Variants in NCOA2 observed in about 807,000 individuals in gnomAD.
The protein encoded by NCOA2 is nuclear receptor coactivator 2.
In NCOA2, 21 loss-of-function variants were observed where a neutral mutation model predicts 145.1. The observed-to-expected ratio is 0.14, with a 90% CI of 0.10 to 0.21. The LOEUF (loss-of-function observed/expected upper bound fraction) is 0.21, where lower values mean the gene tolerates loss of function less well. Ranked by LOEUF, NCOA2 falls within the 10% of genes least tolerant of loss-of-function variation. The probability of loss-of-function intolerance (pLI) is 1.00; values close to 1 mark genes in which losing one functional copy is unlikely to be tolerated. For synonymous variants in NCOA2, 619 were observed against 637.5 expected, an observed-to-expected ratio of 0.97 and a Z score of 0.44; for missense variants, 1,472 against 1,837.6, an observed-to-expected ratio of 0.80 and a Z score of 3.64.
intron 7 of NCOA2, among the ~76,000 whole-genome samples, chr8:70,164,726 A>G (rs1373002505): frequency 6.6e-6 from 1 of 152,054 alleles, no homozygotes; most frequent in African/African-American, 2.4e-5. Context: ...TTCTTCAACA[A>G]GACTGAAATA....
chr8:70,382,345 T>C (rs1812274905), intron 1 of NCOA2, among the ~76,000 whole-genome samples: 1 of 151,998 alleles, frequency 6.6e-6, no homozygotes, highest in Non-Finnish European at 1.5e-5. Context: ...ATAAAGAAAC[T>C]GGCAATAATA....
chr8:70,197,527 G>A (rs1339762279), intron 4 of NCOA2, among the ~76,000 whole-genome samples: 1 of 152,140 alleles, frequency 6.6e-6, no homozygotes, highest in Non-Finnish European at 1.5e-5. Context: ...ACAACGACAG[G>A]GACAGTGCTT....
chr8:70,180,363 A>G (rs934629437), intron 4 of NCOA2, among the ~76,000 whole-genome samples: 5 of 152,052 alleles, frequency 3.3e-5, no homozygotes, highest in Admixed American at 2.6e-4. Flanking sequence ...ATCCCTCACA[A>G]TCTCCTTCTC....
chr8:70,193,206 G>A (rs1028390133), intron 4 of NCOA2, among the ~76,000 whole-genome samples: 5 of 151,804 alleles, frequency 3.3e-5, no homozygotes, highest in Non-Finnish European at 7.4e-5. Context: ...AGAGCTATAT[G>A]CACCACATAG....
upstream of NCOA2, among the ~76,000 whole-genome samples, chr8:70,404,794 AC>A (rs1012402507): frequency 1.4e-4 from 21 of 151,804 alleles, no homozygotes; most frequent in African/African-American, 4.1e-4. Flanking sequence ...AAATGCGAGA[AC>A]CCCCATTTAA....
intron 1 of NCOA2, among the ~76,000 whole-genome samples, chr8:70,368,613 A>G (rs566578162): frequency 1.3e-5 from 2 of 152,362 alleles, no homozygotes; most frequent in Admixed American, 6.5e-5. Context: ...CAGCTTAAGT[A>G]TAGTTTAGAC....
At chr8:70,442,708 A>G in the NCOA2 span, among the ~76,000 whole-genome samples, 1 of 152,210 alleles carries the variant, frequency 6.6e-6, no homozygotes, top group Non-Finnish European at 1.5e-5. Context: ...TTACCTTTCA[A>G]TAGAATGTTG....
intron 1 of NCOA2, among the ~76,000 whole-genome samples, chr8:70,307,235 AAAAAAAT>A: frequency 6.6e-6 from 1 of 151,750 alleles, no homozygotes; most frequent in Admixed American, 6.6e-5. Context: ...AAAAAAAAAA[AAAAAAAT>A]AGAAGAAATA....
intron 1 of NCOA2, among the ~76,000 whole-genome samples, chr8:70,305,347 G>A (rs1408198758): frequency 6.6e-6 from 1 of 152,036 alleles, no homozygotes; most frequent in Non-Finnish European, 1.5e-5. Context: ...CTCCTACAGA[G>A]AGGTCAAATC....
At chr8:70,427,223 T>C in the NCOA2 span, among the ~76,000 whole-genome samples, 1 of 152,352 alleles carries the variant, frequency 6.6e-6, no homozygotes, top group Non-Finnish European at 1.5e-5. Context: ...AGTAATAATT[T>C]GGTTTTCAGG....
At chr8:70,181,392 T>G (rs565962917) in intron 4 of NCOA2, among the ~76,000 whole-genome samples, 7 of 152,350 alleles carry the variant, frequency 4.6e-5, no homozygotes, top group Non-Finnish European at 1.0e-4. Context: ...GAAATTAGTC[T>G]ATCTTCAAAA....
At chr8:70,132,381 G>T (rs1029003671) in intron 15 of NCOA2, among the ~76,000 whole-genome samples, 1 of 152,162 alleles carries the variant, frequency 6.6e-6, no homozygotes, top group Non-Finnish European at 1.5e-5. Flanking sequence ...GGACTTTTCT[G>T]CCCTTTAGTA....
At chr8:70,290,064 A>G (rs979038696) in intron 2 of NCOA2, among the ~76,000 whole-genome samples, 3 of 152,152 alleles carry the variant, frequency 2.0e-5, no homozygotes, top group Admixed American at 6.5e-5. Context: ...GGCAAAATAT[A>G]ATGGTGCCTA....
intron 1 of NCOA2, among the ~76,000 whole-genome samples, chr8:70,313,413 AGAAATAAGCTGTTTTTAGTAATG>A (rs1403770528): frequency 6.6e-6 from 1 of 152,202 alleles, no homozygotes; most frequent in Non-Finnish European, 1.5e-5. Flanking sequence ...AAGGCAGCTT[AGAAATAAGCTGTTTTTAGTAATG>A]GTATTTTAGA....
the NCOA2 span, among the ~76,000 whole-genome samples, chr8:70,419,546 T>C: frequency 1.3e-5 from 2 of 152,108 alleles, no homozygotes; most frequent in Admixed American, 1.3e-4. Flanking sequence ...CCCCTTTTCT[T>C]GTCCCTACTT....
intron 2 of NCOA2, among the ~76,000 whole-genome samples, chr8:70,263,922 A>G (rs538491274): frequency 2.6e-5 from 4 of 152,308 alleles, no homozygotes; most frequent in South Asian, 4.1e-4. Context: ...AGTCTTAAAA[A>G]AAACAGTGGG....
intron 11 of NCOA2, among the ~76,000 whole-genome samples, chr8:70,155,495 G>C (rs1812177744): frequency 6.6e-6 from 1 of 152,226 alleles, no homozygotes. Flanking sequence ...CCAGCCTGTG[G>C]GCTAAATCTT....
At chr8:70,295,653 C>A (rs1827034322) in intron 2 of NCOA2, among the ~76,000 whole-genome samples, 1 of 152,054 alleles carries the variant, frequency 6.6e-6, no homozygotes, top group Non-Finnish European at 1.5e-5. Context: ...TAGAAATAAG[C>A]TTAAGAGTCT....
chr8:70,188,344 A>G (rs992543775), intron 4 of NCOA2, among the ~76,000 whole-genome samples: 1 of 152,180 alleles, frequency 6.6e-6, no homozygotes, highest in Non-Finnish European at 1.5e-5. Flanking sequence ...TTGGCTGCAT[A>G]TAGGGTTTCC....
Sources: allele counts gnomAD v4.1 joint callset (sites outside exome capture counted in the v4.1 genomes callset), GRCh38; gene constraint gnomAD v4.1.1; transcripts MANE v1.5; gene names NCBI Gene and HGNC (gene_info 2026-07-23, HGNC 2026-07-21).